RAB38: variants seen among roughly 807,000 people sequenced by gnomAD.
The protein encoded by RAB38 is ras-related protein Rab-38.
Under a neutral mutation model 18.4 loss-of-function variants are expected in RAB38, and 15 were observed. That is an observed-to-expected ratio of 0.82 (90% confidence interval 0.55 to 1.26). The LOEUF (loss-of-function observed/expected upper bound fraction) is 1.26, where lower values mean the gene tolerates loss of function less well. Among genes scored for constraint, RAB38 ranks in the 50% most tolerant of loss-of-function variants. The pLI is 0.00. For missense variants in RAB38, 294 were observed against 267.4 expected (o/e 1.10, Z -0.69); for synonymous variants, 101 against 104.4 (o/e 0.97, Z 0.20).
At chr11:88,111,239 T>G (rs1942469263), downstream of RAB38, among the ~76,000 whole-genome samples, 1 of 152,106 alleles carries the variant, frequency 6.6e-6, no homozygotes, top group African/African-American at 2.4e-5. Flanking sequence ...AACTGCCCTT[T>G]CAGATATCAC....
chr11:87,831,006 C>T, the RAB38 span, among the ~76,000 whole-genome samples: 1 of 152,040 alleles, frequency 6.6e-6, no homozygotes, highest in Non-Finnish European at 1.5e-5. Context: ...GGGCCTTTGC[C>T]ATGTTACCCA....
chr11:88,093,572 G>A, the RAB38 span, among the ~76,000 whole-genome samples: 1 of 151,746 alleles, frequency 6.6e-6, no homozygotes, highest in South Asian at 2.1e-4. Flanking sequence ...TTCTTACCAG[G>A]ATTGTTTATA....
At chr11:87,936,013 T>G in the RAB38 span, among the ~76,000 whole-genome samples, 1 of 152,260 alleles carries the variant, frequency 6.6e-6, no homozygotes, top group African/African-American at 2.4e-5. Context: ...TTTGTTTTAT[T>G]TGCTGTTGAG....
the RAB38 span, among the ~76,000 whole-genome samples, chr11:88,064,608 T>A: frequency 1.2e-4 from 19 of 152,368 alleles, no homozygotes; most frequent in East Asian, 3.7e-3. Context: ...CACTGAGATT[T>A]AAAGGTTGTT....
chr11:87,870,653 A>G, the RAB38 span, among the ~76,000 whole-genome samples: 5 of 151,626 alleles, frequency 3.3e-5, no homozygotes, highest in East Asian at 7.8e-4. Context: ...AGATGCCCAC[A>G]TAAATTGGAG....
the RAB38 span, among the ~76,000 whole-genome samples, chr11:87,881,133 C>A: frequency 1.9e-3 from 293 of 151,936 alleles, no homozygotes; most frequent in African/African-American, 6.6e-3. Flanking sequence ...CATGAGACAT[C>A]ATGCCCAGAC....
intron 1 of RAB38, chr11:88,173,679 A>T: frequency 1.0e-6 from 1 of 984,938 alleles, no homozygotes; most frequent in African/African-American, 1.7e-5. Flanking sequence ...GGGTTTTCAG[A>T]CATTATGACA....
the RAB38 span, among the ~76,000 whole-genome samples, chr11:87,842,811 C>CGT: frequency 1.6e-5 from 1 of 62,162 alleles, no homozygotes; most frequent in Admixed American, 1.8e-4. Flanking sequence ...CACACACACG[C>CGT]GCGCGCACAC....
At chr11:88,080,833 TGGAA>T in the RAB38 span, among the ~76,000 whole-genome samples, 768 of 88,172 alleles carry the variant, frequency 8.7e-3, 5 homozygotes, top group Non-Finnish European at 0.011. Context: ...CAATTTAGCA[TGGAA>T]GGAAGGAAGG....
the RAB38 span, among the ~76,000 whole-genome samples, chr11:87,878,222 T>TATATATATATATATATATACAC: frequency 3.5e-4 from 41 of 116,202 alleles, 1 homozygote; most frequent in African/African-American, 1.5e-3. Context: ...TATATATATA[T>TATATATATATATATATATACAC]ACACACATAT....
chr11:87,863,550 C>G, the RAB38 span, among the ~76,000 whole-genome samples: 1 of 143,996 alleles, frequency 6.9e-6, no homozygotes, highest in Non-Finnish European at 1.5e-5. Flanking sequence ...TACATGAAAA[C>G]AGAAACAGAA....
At chr11:88,114,358 T>TCAC (rs1336325788) in intron 2 of RAB38, among the ~76,000 whole-genome samples, 1 of 152,216 alleles carries the variant, frequency 6.6e-6, no homozygotes. Context: ...ATAGGAGGAA[T>TCAC]GGTGTCTGGT....
the RAB38 span, among the ~76,000 whole-genome samples, chr11:87,807,609 C>T: frequency 6.6e-6 from 1 of 151,788 alleles, no homozygotes; most frequent in South Asian, 2.1e-4. Flanking sequence ...AGACAGAACA[C>T]AAAAAGCAAA....
chr11:87,935,782 GTTC>G, the RAB38 span, among the ~76,000 whole-genome samples: 2 of 152,056 alleles, frequency 1.3e-5, no homozygotes, highest in Non-Finnish European at 2.9e-5. Flanking sequence ...CCATGAACCT[GTTC>G]TTCATTTTAT....
At chr11:88,076,956 CAAAAAAA>C in the RAB38 span, among the ~76,000 whole-genome samples, 1 of 42,914 alleles carries the variant, frequency 2.3e-5, no homozygotes, top group African/African-American at 9.7e-5. Flanking sequence ...GAGACTCCAT[CAAAAAAA>C]AAAAAAAAAA....
intron 2 of RAB38, among the ~76,000 whole-genome samples, chr11:88,129,668 C>T (rs543355447): frequency 5.3e-5 from 8 of 152,148 alleles, no homozygotes; most frequent in Non-Finnish European, 1.2e-4. Context: ...AACAAACAAA[C>T]AAACTTCAGT....
chr11:87,837,838 G>T, the RAB38 span, among the ~76,000 whole-genome samples: 1 of 152,114 alleles, frequency 6.6e-6, no homozygotes, highest in African/African-American at 2.4e-5. Context: ...TAAGGGAAAG[G>T]CAGTGATGAC....
chr11:88,133,666 A>G (rs1210356592), intron 2 of RAB38, among the ~76,000 whole-genome samples: 1 of 152,242 alleles, frequency 6.6e-6, no homozygotes, highest in East Asian at 1.9e-4. Context: ...ACCAACTAGC[A>G]GAAACACAGT....
chr11:87,810,397 A>G, the RAB38 span, among the ~76,000 whole-genome samples: 4 of 152,280 alleles, frequency 2.6e-5, no homozygotes, highest in East Asian at 5.8e-4. Flanking sequence ...TAGAGCTTTT[A>G]TAAAATGGAA....
Sources: gnomAD v4.1 joint callset for allele counts (sites outside exome capture counted in the v4.1 genomes callset) on GRCh38, gnomAD v4.1.1 for gene constraint, MANE v1.5 for transcripts, NCBI Gene and HGNC (gene_info 2026-07-23, HGNC 2026-07-21) for gene names.